RSPO1: variants seen among roughly 807,000 people sequenced by gnomAD.
RSPO1 encodes R-spondin 1.
Under a neutral mutation model 26.0 loss-of-function variants are expected in RSPO1, and 18 were observed. The ratio of observed to expected loss-of-function variants is 0.69; its 90% confidence interval spans 0.48 to 1.03. The LOEUF (loss-of-function observed/expected upper bound fraction) is 1.03. Ranked by LOEUF, RSPO1 falls within the 50% of genes least tolerant of loss-of-function variation. RSPO1 has a pLI of 0.00. For missense variants in RSPO1, 309 were observed against 352.3 expected (o/e 0.88, Z 0.98); for synonymous variants, 133 against 137.4 (o/e 0.97, Z 0.22).
chr1:37,623,623 G>A (rs1167187280), intron 3 of RSPO1, among the ~76,000 whole-genome samples: 1 of 151,936 alleles, frequency 6.6e-6, no homozygotes, highest in Non-Finnish European at 1.5e-5. Flanking sequence ...GCACGTGCCT[G>A]TAATTCCAGC....
At position 37,612,662 on chromosome 1, in the gene RSPO1, G is replaced by C; in HGVS notation, c.*93C>G. 1 of 1,353,270 alleles carries C rather than the reference G, an allele frequency of 7.4e-7. No homozygotes were observed. Among genetic ancestry groups the C allele is most frequent in the Non-Finnish European group, 1.0e-6 (1 of 957,256 alleles). The allele number at this position is 1,353,270 out of a possible 1,614,324, so 83.8% of individuals were successfully genotyped here. On this transcript the variant is annotated 3_prime_UTR_variant, in exon 7 of 7. Transcript: ENST00000356545. ...TGGATGGATTGGAGTGTGTGTGTAT[G>C]CTTTGCCCCCGACGTTCCAGTTCAG...
At chr1:37,630,643 T>C (rs1644346036) in intron 2 of RSPO1, among the ~76,000 whole-genome samples, 1 of 152,194 alleles carries the variant, frequency 6.6e-6, no homozygotes, top group Non-Finnish European at 1.5e-5. Flanking sequence ...CTGGACCCGC[T>C]GGCCGGCTGG....
intron 3 of RSPO1, among the ~76,000 whole-genome samples, chr1:37,628,463 T>TG (rs1022494813): frequency 6.6e-6 from 1 of 152,188 alleles, no homozygotes; most frequent in African/African-American, 2.4e-5. Context: ...CAGCCTTCAC[T>TG]GGGGGGCCTC....
intron 5 of RSPO1, 118 bp downstream of exon 5, chr1:37,614,066 G>T: frequency 7.5e-7 from 1 of 1,337,128 alleles, no homozygotes; most frequent in Non-Finnish European, 1.0e-6. Context: ...AGAAAGGAGT[G>T]GTAGGGTAAG....
chr1:37,619,612 C>T (rs960724121), intron 3 of RSPO1, among the ~76,000 whole-genome samples: 6 of 152,140 alleles, frequency 3.9e-5, no homozygotes, highest in African/African-American at 1.4e-4. Flanking sequence ...ACCACAATGG[C>T]GGCAGTGTGT....
chr1:37,613,821 T>C lies in RSPO1; in HGVS notation c.508A>G (p.Arg170Gly). Residue 170 changes from arginine to glycine, a missense_variant, in exon 6 of 7, where the codon AGG becomes GGG. Transcript: ENST00000356545. The surrounding 1 kb of genome is among the most constrained non-coding windows in gnomAD (Gnocchi z 4.5). Reference protein sequence around the residue: ...SKKQQLCGFRRGSEERTRRVL... With the variant: ...SKKQQLCGFRGGSEERTRRVL... Reference sequence around the variant, plus strand: ...CTGCGTGTCCGCTCCTCGGAGCCCCTCCGGAAACCACAGAGCTGCTGCTTC... The same window carrying C: ...CTGCGTGTCCGCTCCTCGGAGCCCCCCCGGAAACCACAGAGCTGCTGCTTC... The C allele has an allele frequency of 6.2e-7, 1 of 1,613,976 alleles. No homozygotes were observed. The highest frequency in any genetic ancestry group is 8.5e-7 in the Non-Finnish European group (1 of 1,179,988).
Position 37,629,925 on chromosome 1 carries a change from A to G in RSPO1, c.-264T>C, listed in dbSNP as rs1173824259. On this transcript the variant is annotated 5_prime_UTR_variant, in exon 3 of 7. Coordinates refer to ENST00000356545, the MANE Select transcript of RSPO1 (RefSeq NM_001242908.2). ...ATATGAGAGATCTTTTTGTCACGTC[A>G]GCAGGGACTACTCCAAAAACCAACC... 15 of 1,516,358 alleles carry G rather than the reference A, an allele frequency of 9.9e-6. No homozygotes were observed. The highest frequency in any genetic ancestry group is 1.4e-5 in the African/African-American group (1 of 72,346). 93.9% of individuals were successfully genotyped at this position (1,516,358 alleles called of 1,614,324 possible). A position where few individuals can be genotyped will look rare whatever the true frequency, so the allele number is the denominator to read the frequency against.
At chr1:37,617,894 G>C (rs1644141780) in intron 3 of RSPO1, among the ~76,000 whole-genome samples, 1 of 152,112 alleles carries the variant, frequency 6.6e-6, no homozygotes, top group Non-Finnish European at 1.5e-5. Context: ...GGTGAATGCT[G>C]ACAGCCACAA....
At chr1:37,621,042 T>C (rs748980496) in intron 3 of RSPO1, among the ~76,000 whole-genome samples, 4 of 152,146 alleles carry the variant, frequency 2.6e-5, no homozygotes, top group Non-Finnish European at 4.4e-5. Flanking sequence ...AAGGCGCCCT[T>C]TCAGATCTGC....
chr1:37,634,237 T>C lies in RSPO1; in HGVS notation c.-356+329A>G, dbSNP rs1644404269. Among the ~76,000 whole-genome samples the C allele has an allele frequency of 6.6e-6, 1 of 151,954 alleles. No individual in the cohort carries two copies. The highest frequency in any genetic ancestry group is 1.5e-5 in the Non-Finnish European group (1 of 67,976). ...AGCCCCAGGATCAAGAACTTCTGGATTGGAGGCGGGGTATAAACAGGGCTG... is the reference window on the plus strand; with the variant it reads ...AGCCCCAGGATCAAGAACTTCTGGACTGGAGGCGGGGTATAAACAGGGCTG... On this transcript the variant is annotated intron_variant, in intron 1 of 6. Transcript: ENST00000356545. This position sits in a 1 kb window ranked among gnomAD's most constrained non-coding sequence, Gnocchi z 4.7.
At chr1:37,622,299 G>A (rs1644214393) in intron 3 of RSPO1, among the ~76,000 whole-genome samples, 1 of 152,196 alleles carries the variant, frequency 6.6e-6, no homozygotes, top group African/African-American at 2.4e-5. Context: ...GACAGCAGGA[G>A]GCAGTTGTTC....
rs558700908 is a variant in RSPO1, at chr1:37,623,295, G to A, written c.94+6273C>T. ...CTTGAAGGAAGGGTCCAAGGAAGAC[G>A]GTTCATATTTGGGGGAAATGCATAA... On this transcript the variant is annotated intron_variant, in intron 3 of 6. Transcript: ENST00000356545. 5.3e-5 allele frequency among the ~76,000 whole-genome samples: 8 copies of A among 152,004 alleles called. No homozygotes were observed. In the South Asian group the frequency reaches 1.7e-3, roughly 32 times the overall value.
intron 3 of RSPO1, among the ~76,000 whole-genome samples, chr1:37,626,105 A>G (rs1230494433): frequency 1.3e-5 from 2 of 151,980 alleles, no homozygotes; most frequent in African/African-American, 4.8e-5. Flanking sequence ...GGGCTCCTTG[A>G]TGAAAGCCTC....
rs1028085338 is a variant in RSPO1, at chr1:37,612,407, G to A, written c.*348C>T. Reference sequence around the variant, plus strand: ...TCTGCAGTTTGGTCTCAGATGCTGGGAAGTGTTGTCTCTGACATGTCCACT... The same window carrying A: ...TCTGCAGTTTGGTCTCAGATGCTGGAAAGTGTTGTCTCTGACATGTCCACT... On this transcript the variant is annotated 3_prime_UTR_variant, in exon 7 of 7. Coordinates refer to ENST00000356545, the MANE Select transcript of RSPO1 (RefSeq NM_001242908.2). 6.0e-6 allele frequency: 2 copies of A among 334,798 alleles called. No individual in the cohort carries two copies. Among genetic ancestry groups the A allele is most frequent in the Non-Finnish European group, 1.1e-5 (2 of 177,332 alleles). 20.7% of individuals were successfully genotyped at this position (334,798 alleles called of 1,614,324 possible). A position where few individuals can be genotyped will look rare whatever the true frequency, so the allele number is the denominator to read the frequency against.
At chr1:37,628,744 C>T (rs897221473) in intron 3 of RSPO1, among the ~76,000 whole-genome samples, 2 of 152,206 alleles carry the variant, frequency 1.3e-5, no homozygotes, top group South Asian at 2.1e-4. Context: ...CCATCAAATT[C>T]GGCTTTCAAG....
In RSPO1 at chr1:37,614,207, C is replaced by T. The variant is rs1644073769; in HGVS notation, c.413G>A (p.Gly138Asp). 2 of 1,613,194 alleles carry T rather than the reference C, an allele frequency of 1.2e-6. No individual in the cohort carries two copies. Among genetic ancestry groups the T allele is most frequent in the Non-Finnish European group, 8.5e-7 (1 of 1,180,022 alleles). Reference protein sequence around the residue: ...ACPEGSSAANGTMECSSPAQC... With the variant: ...ACPEGSSAANDTMECSSPAQC... ...ACCAGGACTACTGCACTCCATGGTGCCATTGGCAGCTGAGGAGCCCTCGGG... is the reference window on the plus strand; with the variant it reads ...ACCAGGACTACTGCACTCCATGGTGTCATTGGCAGCTGAGGAGCCCTCGGG... Residue 138 changes from glycine to aspartate, a missense_variant, in exon 5 of 7, where the codon GGC becomes GAC. Physicochemically the swap from Gly to Asp is moderately conservative, Grantham distance 94 (BLOSUM62 -1). Transcript: ENST00000356545.
chr1:37,631,583 T>C (rs1184756300), intron 2 of RSPO1, among the ~76,000 whole-genome samples: 2 of 152,210 alleles, frequency 1.3e-5, no homozygotes, highest in Non-Finnish European at 2.9e-5. Flanking sequence ...ACTGCCTGGA[T>C]TTGAATATTG....
intron 3 of RSPO1, among the ~76,000 whole-genome samples, chr1:37,622,836 C>T (rs1644222392): frequency 6.6e-6 from 1 of 152,052 alleles, no homozygotes; most frequent in African/African-American, 2.4e-5. Context: ...GAGAGCCAAA[C>T]CACAGTGGGC....
chr1:37,619,873 G>C (rs1189179607), intron 3 of RSPO1, among the ~76,000 whole-genome samples: 1 of 151,626 alleles, frequency 6.6e-6, no homozygotes, highest in East Asian at 2.0e-4. Flanking sequence ...TCAGCCTCCC[G>C]AGTAGCTGGG....
Sources: gnomAD v4.1 joint callset for allele counts (sites outside exome capture counted in the v4.1 genomes callset) on GRCh38, gnomAD v4.1.1 for gene constraint, Gnocchi (gnomAD v3.1) non-coding constraint, MANE v1.5 for transcripts, NCBI Gene and HGNC (gene_info 2026-07-23, HGNC 2026-07-21) for gene names.